The following OR56A4 variants were observed in gnomAD, a reference collection of about 807,000 sequenced individuals.
The protein encoded by OR56A4 is olfactory receptor family 56 subfamily A member 4, also known as olfactory receptor 56A4.
OR56A4 carries 9 observed loss-of-function variants against 13.6 expected under a neutral mutation model. The ratio of observed to expected loss-of-function variants is 0.66; its 90% CI spans 0.40 to 1.15. The LOEUF (loss-of-function observed/expected upper bound fraction) is 1.15, where lower values mean the gene tolerates loss of function less well. Ranked by LOEUF, OR56A4 falls within the 50% of genes most tolerant of loss-of-function variation. OR56A4 has a pLI of 0.01. For missense variants in OR56A4, 380 were observed against 375.9 expected (o/e 1.01, Z -0.09); for synonymous variants, 167 against 153.9 (o/e 1.08, Z -0.63).
chr11:6,003,531 G>A lies in OR56A4; in HGVS notation c.-36-503C>T, dbSNP rs74055733. On this transcript the variant is annotated intron_variant, in intron 2 of 2. Coordinates refer to ENST00000641156, the MANE Select transcript of OR56A4 (RefSeq NM_001005179.4). Reference sequence around the variant, plus strand: ...AAGCTCAGGGAACCAGGACGCCATTGCATTACAGGGAGCACTCACACACAC... The same window carrying A: ...AAGCTCAGGGAACCAGGACGCCATTACATTACAGGGAGCACTCACACACAC... 3.8e-3 allele frequency among the ~76,000 whole-genome samples: 580 copies of A among 152,254 alleles called. 5 individuals are homozygous for A. The highest frequency in any genetic ancestry group is 0.013 in the African/African-American group (542 of 41,540).
rs942473719 is a variant in OR56A4 at position 6,003,278 on chromosome 11, A to T, written c.-36-250T>A. 2.3e-5 allele frequency: 13 copies of T among 573,538 alleles called. No individual in the cohort carries two copies. In the Admixed American group the frequency reaches 4.4e-4, roughly 19 times the overall value. 35.5% of individuals were successfully genotyped at this position (573,538 alleles called of 1,614,324 possible). ...GTTATCCTAATGTTACAGGTAATAA[A>T]ATAGAGATAAGGGAAAATTGTAAGA... On this transcript the variant is annotated intron_variant, in intron 2 of 2. Transcript: ENST00000641156.
At chr11:6,004,612 A>C (rs1299490818) in intron 2 of OR56A4, among the ~76,000 whole-genome samples, 1 of 152,240 alleles carries the variant, frequency 6.6e-6, no homozygotes, top group African/African-American at 2.4e-5. Context: ...TACCCATTGT[A>C]GGGCCTTAAA....
Position 6,002,592 on chromosome 11 carries a change from C to T in OR56A4, c.401G>A (p.Arg134Lys). The T allele has an allele frequency of 6.2e-7, 1 of 1,614,226 alleles. No homozygotes were observed. The highest frequency in any genetic ancestry group is 1.1e-5 in the South Asian group (1 of 91,084). Residue 134 changes from arginine to lysine, a missense_variant, in exon 3 of 3, where the codon AGA (arginine) becomes AAA (lysine). Arg to Lys is a conservative substitution (Grantham distance 26). Coordinates refer to ENST00000641156, the MANE Select transcript of OR56A4 (RefSeq NM_001005179.4). ...DRYVAICHPL[R>K]YPSIITDQFV... Reference sequence around the variant, plus strand: ...CTGGTCAGTGATGATAGACGGGTATCTCAATGGATGGCAGATGGCCACATA... The same window carrying T: ...CTGGTCAGTGATGATAGACGGGTATTTCAATGGATGGCAGATGGCCACATA...
At position 6,002,332 on chromosome 11, in the gene OR56A4, A is replaced by G; in HGVS notation, c.661T>C (p.Tyr221His). The change falls in exon 3 of 3, where the codon TAT (tyrosine) becomes CAT (histidine). Residue 221 changes from tyrosine to histidine, a missense_variant. Transcript: ENST00000641156. ...GSDLILIVIS[Y>H]SFILKVVLRI... ...AGCACAACTTTCAATATAAAAGAAT[A>G]GGAGATAACAATAAGGATAAGATCA... The G allele has an allele frequency of 6.2e-7, 1 of 1,614,180 alleles. No individual in the cohort carries two copies. Among genetic ancestry groups the G allele is most frequent in the South Asian group, 1.1e-5 (1 of 91,084 alleles).
intron 2 of OR56A4, among the ~76,000 whole-genome samples, chr11:6,004,029 G>A (rs1008548442): frequency 6.6e-6 from 1 of 152,160 alleles, no homozygotes; most frequent in African/African-American, 2.4e-5. Context: ...ATACTAAGAA[G>A]GGTAACAGCA....
Position 6,001,804 on chromosome 11 carries a change from A to G in OR56A4, c.*247T>C. The G allele has an allele frequency of 4.8e-6, 2 of 414,574 alleles. No individual in the cohort carries two copies. The highest frequency in any genetic ancestry group is 8.5e-6 in the Non-Finnish European group (2 of 236,564). 25.7% of individuals were successfully genotyped at this position (414,574 alleles called of 1,614,324 possible). A position where few individuals can be genotyped will look rare whatever the true frequency, so the allele number is the denominator to read the frequency against. On this transcript the variant is annotated 3_prime_UTR_variant, in exon 3 of 3. Transcript: ENST00000641156. Reference sequence around the variant, plus strand: ...AAGTCTTGGCAAGATTCTTTGTTGCAGATTAGATCAGGAAAAATTCCAAAG... The same window carrying G: ...AAGTCTTGGCAAGATTCTTTGTTGCGGATTAGATCAGGAAAAATTCCAAAG...
At chr11:6,003,744 G>A (rs545095011) in intron 2 of OR56A4, among the ~76,000 whole-genome samples, 1 of 152,292 alleles carries the variant, frequency 6.6e-6, no homozygotes, top group Non-Finnish European at 1.5e-5. Context: ...AACGTTGTGT[G>A]AAATGATGTT....
rs1848208280 is a variant in OR56A4 at position 6,000,785 on chromosome 11, G to A, written c.*1266C>T. On this transcript the variant is annotated 3_prime_UTR_variant, in exon 3 of 3. Coordinates refer to ENST00000641156, the MANE Select transcript of OR56A4 (RefSeq NM_001005179.4). Reference sequence around the variant, plus strand: ...AGCTCATTTTGGCTACAGTGGCAGAGAAAACAAAGTTTAAGATAAGTCGAA... The same window carrying A: ...AGCTCATTTTGGCTACAGTGGCAGAAAAAACAAAGTTTAAGATAAGTCGAA... 6.6e-6 allele frequency: 1 copy of A among 152,100 alleles called. No homozygotes were observed. Among genetic ancestry groups the A allele is most frequent in the Non-Finnish European group, 1.5e-5 (1 of 68,006 alleles). The allele number at this position is 152,100 out of a possible 1,614,324, so 9.4% of individuals were successfully genotyped here.
chr11:6,006,014 T>C (rs1848255824), intron 2 of OR56A4, among the ~76,000 whole-genome samples: 1 of 152,052 alleles, frequency 6.6e-6, no homozygotes, highest in African/African-American at 2.4e-5. Flanking sequence ...GTGATTAAGA[T>C]CTGAACAAAA....
rs1425923594 is a variant in OR56A4 at position 5,999,504 on chromosome 11, T to C, written c.*2547A>G. ...AGTTCACAAAAGCGGAGTACACAAA[T>C]TTAGCCAAATTATTTTATCTGAGAA... On this transcript the variant is annotated 3_prime_UTR_variant, in exon 3 of 3. Coordinates refer to ENST00000641156, the MANE Select transcript of OR56A4 (RefSeq NM_001005179.4). 6.6e-6 allele frequency: 1 copy of C among 152,196 alleles called. No individual in the cohort carries two copies. Among genetic ancestry groups the C allele is most frequent in the Non-Finnish European group, 1.5e-5 (1 of 68,036 alleles). 9.4% of individuals were successfully genotyped at this position (152,196 alleles called of 1,614,324 possible).
chr11:6,002,565 A>T lies in OR56A4; in HGVS notation c.428T>A (p.Phe143Tyr). ...LRYPSIITDQ[F>Y]VARAVVFVIA... ...AACAAAGACCACGGCCCTAGCCACA[A>T]ACTGGTCAGTGATGATAGACGGGTA... The change falls in exon 3 of 3, where the codon TTT becomes TAT. Residue 143 changes from phenylalanine to tyrosine, a missense_variant. Phe to Tyr is a conservative substitution (Grantham distance 22). Coordinates refer to ENST00000641156, the MANE Select transcript of OR56A4 (RefSeq NM_001005179.4). The T allele has an allele frequency of 6.2e-7, 1 of 1,614,248 alleles. No individual in the cohort carries two copies. The highest frequency in any genetic ancestry group is 8.5e-7 in the Non-Finnish European group (1 of 1,180,040).
In OR56A4 at chr11:6,001,958, T is replaced by A; in HGVS notation, c.*93A>T. 3.0e-6 allele frequency: 4 copies of A among 1,312,912 alleles called. No homozygotes were observed. Among genetic ancestry groups the A allele is most frequent in the Non-Finnish European group, 4.1e-6 (4 of 967,960 alleles). The allele number at this position is 1,312,912 out of a possible 1,614,324, so 81.3% of individuals were successfully genotyped here. A position where few individuals can be genotyped will look rare whatever the true frequency, so the allele number is the denominator to read the frequency against. ...ATCCGAACTCAGGCAGGATTTAAAGTGAAATTTCCTTTCCAACATAAAATT... is the reference window on the plus strand; with the variant it reads ...ATCCGAACTCAGGCAGGATTTAAAGAGAAATTTCCTTTCCAACATAAAATT... On this transcript the variant is annotated 3_prime_UTR_variant, in exon 3 of 3. Transcript: ENST00000641156.
Position 6,002,932 on chromosome 11 carries a change from G to C in OR56A4, c.61C>G (p.Pro21Ala). ...CAGTGCTGCCAGCTCTGGAAGTTGG[G>C]GAAGCAGATGAGGAGGAATTCAGAG... ...PVSEFLLICF[P>A]NFQSWQHWLS... Residue 21 changes from proline to alanine, a missense_variant, in exon 3 of 3, where the codon CCC (proline) becomes GCC (alanine). By Grantham distance (27) the Pro-to-Ala change is conservative. Coordinates refer to ENST00000641156, the MANE Select transcript of OR56A4 (RefSeq NM_001005179.4). 6.2e-7 allele frequency: 1 copy of C among 1,613,948 alleles called. No individual in the cohort carries two copies. Among genetic ancestry groups the C allele is most frequent in the South Asian group, 1.1e-5 (1 of 91,022 alleles).
At position 6,002,767 on chromosome 11, in the gene OR56A4, G is replaced by T. The variant is rs775240718; in HGVS notation, c.226C>A (p.Leu76Ile). 6.2e-7 allele frequency: 1 copy of T among 1,613,916 alleles called. No individual in the cohort carries two copies. Among genetic ancestry groups the T allele is most frequent in the Non-Finnish European group, 8.5e-7 (1 of 1,179,990 alleles). Reference sequence around the variant, plus strand: ...ACCTTGGGGATGACGGTGAGGCAGAGCACGATGTCCAGCAGGGAGAGGAGG... The same window carrying T: ...ACCTTGGGGATGACGGTGAGGCAGATCACGATGTCCAGCAGGGAGAGGAGG... Reference protein sequence around the residue: ...LSLLSLLDIVLCLTVIPKVLA... With the variant: ...LSLLSLLDIVICLTVIPKVLA... The change falls in exon 3 of 3, where the codon CTC becomes ATC. Residue 76 changes from leucine (L) to isoleucine (I), a missense_variant. Transcript: ENST00000641156.
rs1848214188 is a variant in OR56A4 at position 6,001,703 on chromosome 11, T to A, written c.*348A>T. The A allele has an allele frequency of 5.6e-6, 1 of 178,406 alleles. No individual in the cohort carries two copies. The highest frequency in any genetic ancestry group is 2.4e-5 in the African/African-American group (1 of 42,298). 11.1% of individuals were successfully genotyped at this position (178,406 alleles called of 1,614,324 possible). On this transcript the variant is annotated 3_prime_UTR_variant, in exon 3 of 3. Coordinates refer to ENST00000641156, the MANE Select transcript of OR56A4 (RefSeq NM_001005179.4). ...ATTTGCAAATCAAAAAACAGGCTGA[T>A]CTTTTTAAGGGCATTATATAAAGTT...
At chr11:6,006,169 C>T (rs763865135) in intron 2 of OR56A4, 80 bp downstream of exon 2, 6 of 152,154 alleles carry the variant, frequency 3.9e-5, no homozygotes, top group Non-Finnish European at 8.8e-5. Flanking sequence ...TACAGGAAGA[C>T]ATATGTTCTT....
At chr11:6,005,386 C>T (rs865917301) in intron 2 of OR56A4, among the ~76,000 whole-genome samples, 1 of 152,182 alleles carries the variant, frequency 6.6e-6, no homozygotes, top group Admixed American at 6.5e-5. Flanking sequence ...TTAGGGGCTA[C>T]TGCATCCCAA....
At position 6,000,177 on chromosome 11, in the gene OR56A4, G is replaced by A. The variant is rs553112421; in HGVS notation, c.*1874C>T. On this transcript the variant is annotated 3_prime_UTR_variant, in exon 3 of 3. Coordinates refer to ENST00000641156, the MANE Select transcript of OR56A4 (RefSeq NM_001005179.4). ...ACACATGCACATGTATGTTTATTGC[G>A]GCACCATTCACAATAGCAAAGACTT... The A allele has an allele frequency of 1.1e-4, 16 of 152,124 alleles. No homozygotes were observed. Among genetic ancestry groups the A allele is most frequent in the African/African-American group, 3.4e-4 (14 of 41,406 alleles). The allele number at this position is 152,124 out of a possible 1,614,324, so 9.4% of individuals were successfully genotyped here.
At chr11:6,003,140 T>C (rs765743786) in intron 2 of OR56A4, 112 bp from the exon 3 acceptor site, 9 of 1,563,554 alleles carry the variant, frequency 5.8e-6, no homozygotes, top group African/African-American at 1.4e-5. Flanking sequence ...TTAAAATCAC[T>C]GTCATCATCC....
Sources: allele counts gnomAD v4.1 joint callset (sites outside exome capture counted in the v4.1 genomes callset), GRCh38; gene constraint gnomAD v4.1.1; transcripts MANE v1.5; gene names NCBI Gene and HGNC (gene_info 2026-07-23, HGNC 2026-07-21).